The following ASXL2 variants were observed in gnomAD, a reference collection of about 807,000 sequenced individuals.
The protein encoded by ASXL2 is putative Polycomb group protein ASXL2.
In ASXL2, 23 loss-of-function variants were observed where a neutral mutation model predicts 122.0. The observed-to-expected ratio is 0.19, with a 90% confidence interval of 0.14 to 0.27. ASXL2 has a LOEUF of 0.27. Ranked by LOEUF, ASXL2 falls within the 10% of genes least tolerant of loss-of-function variation. The pLI, the probability that ASXL2 is intolerant of heterozygous loss-of-function variation, is 1.00. For missense variants in ASXL2, 1,518 were observed against 1,713.8 expected (o/e 0.89, Z 2.02); for synonymous variants, 650 against 637.0 (o/e 1.02, Z -0.31).
At chr2:25,869,820 A>C (rs962060549) in intron 1 of ASXL2, among the ~76,000 whole-genome samples, 1 of 152,114 alleles carries the variant, frequency 6.6e-6, no homozygotes, top group Non-Finnish European at 1.5e-5. Flanking sequence ...TGTTTCAAAA[A>C]AAAAAGTGAA....
chr2:25,809,978 GC>G (rs1264465589), intron 3 of ASXL2: 4 of 529,016 alleles, frequency 7.6e-6, no homozygotes, highest in South Asian at 4.2e-5. Context: ...TGTACAGAGT[GC>G]CCCTCTTTGG....
chr2:25,761,005 GA>G (rs1247783409), intron 8 of ASXL2, among the ~76,000 whole-genome samples: 1 of 152,156 alleles, frequency 6.6e-6, no homozygotes, highest in Non-Finnish European at 1.5e-5. Context: ...CAATATTAAA[GA>G]GGGTCTACAC....
chr2:25,785,411 G>A (rs571606629), intron 5 of ASXL2, among the ~76,000 whole-genome samples: 3 of 152,164 alleles, frequency 2.0e-5, no homozygotes, highest in African/African-American at 7.2e-5. Context: ...TTTTAGTAGA[G>A]ATGGGGTTTC....
At chr2:25,864,619 T>C (rs2089878116) in intron 1 of ASXL2, among the ~76,000 whole-genome samples, 2 of 151,856 alleles carry the variant, frequency 1.3e-5, no homozygotes, top group Admixed American at 1.3e-4. Flanking sequence ...TTTTACTTAA[T>C]CACAGAAAAC....
At chr2:25,866,409 T>C (rs1462424759) in intron 1 of ASXL2, among the ~76,000 whole-genome samples, 1 of 152,172 alleles carries the variant, frequency 6.6e-6, no homozygotes, top group African/African-American at 2.4e-5. Flanking sequence ...ATTACAGGCA[T>C]GAGCCACTGC....
intron 1 of ASXL2, among the ~76,000 whole-genome samples, chr2:25,875,020 C>T (rs1297330862): frequency 2.0e-5 from 3 of 152,180 alleles, no homozygotes; most frequent in Non-Finnish European, 4.4e-5. Flanking sequence ...GGCTGAGTTG[C>T]CATGAGCCGC....
chr2:25,784,711 C>T (rs1179442189), intron 5 of ASXL2, among the ~76,000 whole-genome samples: 1 of 152,202 alleles, frequency 6.6e-6, no homozygotes. Context: ...CGTCACACGG[C>T]ACTCTCTTCA....
At position 25,750,064 on chromosome 2, in the gene ASXL2, C is replaced by T. The variant is rs2088017397; in HGVS notation, c.1492G>A (p.Glu498Lys). ...LLEQKPVTSA[E>K]QESEKNHLTT... ...AGATGGTTCTTCTCAGATTCCTGTT[C>T]AGCAGAGGTGACTGGCTTCTGCTCC... Residue 498 changes from glutamate (E) to lysine (K), a missense_variant, in exon 12 of 13, where the codon GAA (glutamate) becomes AAA (lysine). Physicochemically the swap from Glu to Lys is moderately conservative, Grantham distance 56 (BLOSUM62 1). This residue lies in a region of ASXL2 where 292 missense variants were observed against 293.5 expected (regional missense o/e 1.00). Coordinates refer to ENST00000435504, the MANE Select transcript of ASXL2 (RefSeq NM_018263.6). 1.2e-6 allele frequency: 2 copies of T among 1,613,932 alleles called. No individual in the cohort carries two copies. The highest frequency in any genetic ancestry group is 2.2e-5 in the East Asian group (1 of 44,894).
intron 5 of ASXL2, among the ~76,000 whole-genome samples, chr2:25,786,243 C>CTTTTTTTTGTTTTTTTT (rs2088743280): frequency 8.9e-6 from 1 of 112,420 alleles, no homozygotes; most frequent in African/African-American, 3.8e-5. Flanking sequence ...CCACATCATT[C>CTTTTTTTTGTTTTTTTT]TTTTTTTTTT....
chr2:25,767,460 C>T, intron 8 of ASXL2, 123 bp downstream of exon 8: 4 of 1,042,196 alleles, frequency 3.8e-6, no homozygotes, highest in South Asian at 3.6e-5. Context: ...AAACTTATGT[C>T]TAATCTTTGC....
chr2:25,804,358 C>G (rs141285214), intron 4 of ASXL2, among the ~76,000 whole-genome samples: 15 of 152,354 alleles, frequency 9.8e-5, no homozygotes, highest in African/African-American at 3.6e-4. Context: ...TTAATCTCAA[C>G]CACATCTACA....
intron 5 of ASXL2, chr2:25,780,130 C>A (rs1222405214): frequency 6.6e-6 from 1 of 152,282 alleles, no homozygotes; most frequent in East Asian, 1.9e-4. Flanking sequence ...GGATTACAGG[C>A]ATGAGCCAAC....
intron 3 of ASXL2, among the ~76,000 whole-genome samples, chr2:25,832,525 A>G (rs1434391915): frequency 6.6e-6 from 1 of 152,166 alleles, no homozygotes; most frequent in African/African-American, 2.4e-5. Context: ...TTAAATATAA[A>G]TGGTGTAAAC....
chr2:25,746,214 T>G (rs1388239440), intron 12 of ASXL2, among the ~76,000 whole-genome samples: 1 of 152,170 alleles, frequency 6.6e-6, no homozygotes, highest in Non-Finnish European at 1.5e-5. Flanking sequence ...ACTAAACATT[T>G]TTCATTATTT....
In ASXL2 at chr2:25,852,893, C is replaced by T. The variant is rs549000881; in HGVS notation, c.58-7330G>A. On this transcript the variant is annotated intron_variant, in intron 1 of 12. Transcript: ENST00000435504. ...TTGTAAATTCGGATTCCACTTAATG[C>T]GGAGGGAAGAAATCAGATGTGAGGG... 2.6e-5 allele frequency among the ~76,000 whole-genome samples: 4 copies of T among 152,148 alleles called. No individual in the cohort carries two copies. The South Asian group carries it at 6.2e-4, about 24-fold the overall frequency.
intron 1 of ASXL2, among the ~76,000 whole-genome samples, chr2:25,849,818 T>C (rs1001162452): frequency 2.0e-5 from 3 of 152,144 alleles, no homozygotes; most frequent in Non-Finnish European, 4.4e-5. Flanking sequence ...GGATTACAGA[T>C]GTGAGCTACC....
At chr2:25,801,018 C>T (rs2149171992) in intron 4 of ASXL2, among the ~76,000 whole-genome samples, 1 of 152,278 alleles carries the variant, frequency 6.6e-6, no homozygotes, top group Non-Finnish European at 1.5e-5. Context: ...CCTCGACCTC[C>T]CAGGCGCAAG....
chr2:25,803,431 C>A (rs991389083), intron 4 of ASXL2, among the ~76,000 whole-genome samples: 4 of 152,152 alleles, frequency 2.6e-5, no homozygotes, highest in Non-Finnish European at 4.4e-5. Flanking sequence ...AGGTCACAAC[C>A]TGGGACTTGC....
chr2:25,811,713 T>C (rs570587307), intron 3 of ASXL2, among the ~76,000 whole-genome samples: 24 of 152,248 alleles, frequency 1.6e-4, no homozygotes, highest in African/African-American at 5.5e-4. Context: ...AATGTCAATT[T>C]CCTGGTTTGA....
Sources: allele counts gnomAD v4.1 joint callset (sites outside exome capture counted in the v4.1 genomes callset), GRCh38; gene constraint gnomAD v4.1.1; regional missense constraint gnomAD v4.1.1; transcripts MANE v1.5; gene names NCBI Gene and HGNC (gene_info 2026-07-23, HGNC 2026-07-21).